The following GLI2 variants were observed in gnomAD, a reference collection of about 807,000 sequenced individuals.
GLI2 encodes the protein GLI family zinc finger 2, also known as transcription activator GLI2.
In GLI2, 22 loss-of-function variants were observed where a neutral mutation model predicts 78.9. The observed-to-expected ratio is 0.28, with a 90% CI of 0.20 to 0.40. GLI2 has a LOEUF of 0.40. Among genes scored for constraint, GLI2 ranks in the 10% least tolerant of loss-of-function variants. GLI2 has a pLI of 1.00. For missense variants in GLI2, 2,097 were observed against 2,213.2 expected (o/e 0.95, Z 1.05); for synonymous variants, 974 against 963.7 (o/e 1.01, Z -0.20).
rs1396250759 is a variant in GLI2, at chr2:120,737,213, C to G, written c.-31+928C>G. Among the ~76,000 whole-genome samples, 1 of 151,938 alleles carries G rather than the reference C, an allele frequency of 6.6e-6. No individual in the cohort carries two copies. The highest frequency in any genetic ancestry group is 2.4e-5 in the African/African-American group (1 of 41,366). Reference sequence around the variant, plus strand: ...GCGGGGGCGGGGAGCTGGGAGGGAGCGTGTGCTTGCGTGTGTGAGTGTGAG... The same window carrying G: ...GCGGGGGCGGGGAGCTGGGAGGGAGGGTGTGCTTGCGTGTGTGAGTGTGAG... On this transcript the variant is annotated intron_variant, in intron 1 of 13. Transcript: ENST00000361492. This position sits in a 1 kb window ranked among gnomAD's most constrained non-coding sequence, Gnocchi z 4.3.
intron 5 of GLI2, among the ~76,000 whole-genome samples, chr2:120,957,884 T>A (rs1047978554): frequency 2.6e-5 from 4 of 152,258 alleles, no homozygotes; most frequent in Non-Finnish European, 5.9e-5. Flanking sequence ...GCTCCCAGCA[T>A]CTAGCGGCTT....
intron 12 of GLI2, 35 bp from the exon 13 acceptor site, chr2:120,986,241 CCT>C: frequency 1.3e-6 from 2 of 1,579,684 alleles, no homozygotes; most frequent in Non-Finnish European, 1.7e-6. Context: ...AATCTGATAC[CCT>C]CTGAGTCTGA....
intron 2 of GLI2, among the ~76,000 whole-genome samples, chr2:120,872,051 G>C: frequency 6.6e-6 from 1 of 152,186 alleles, no homozygotes; most frequent in East Asian, 1.9e-4. Context: ...GGCGGGTGAG[G>C]GGCCCTGGAA....
intron 3 of GLI2, among the ~76,000 whole-genome samples, chr2:120,935,530 G>GTGCC (rs1680157559): frequency 1.3e-5 from 2 of 152,176 alleles, no homozygotes; most frequent in African/African-American, 4.8e-5. Context: ...AGGAGCAGTA[G>GTGCC]CAGGAGTCTG....
intron 2 of GLI2, among the ~76,000 whole-genome samples, chr2:120,803,899 A>T (rs1053484606): frequency 2.0e-5 from 3 of 151,958 alleles, no homozygotes; most frequent in African/African-American, 7.3e-5. Flanking sequence ...TCAGGGGGGG[A>T]GACTACGGTT....
intron 2 of GLI2, among the ~76,000 whole-genome samples, chr2:120,871,734 G>A (rs1476669974): frequency 1.3e-5 from 2 of 152,136 alleles, no homozygotes; most frequent in South Asian, 2.1e-4. Context: ...TTCTCCCTGG[G>A]GTAGCAGCTA....
chr2:120,820,307 C>T (rs937569307), intron 2 of GLI2, among the ~76,000 whole-genome samples: 4 of 152,202 alleles, frequency 2.6e-5, no homozygotes, highest in Non-Finnish European at 4.4e-5. Context: ...TCTCAGCTGT[C>T]GCCCTCGTAT....
intron 1 of GLI2, among the ~76,000 whole-genome samples, chr2:120,746,801 GT>G (rs1682705616): frequency 6.6e-6 from 1 of 152,106 alleles, no homozygotes; most frequent in South Asian, 2.1e-4. Flanking sequence ...GCTAGTCTCT[GT>G]TTTTTAATAT....
At chr2:120,980,183 C>T (rs1410882418) in intron 10 of GLI2, among the ~76,000 whole-genome samples, 4 of 152,168 alleles carry the variant, frequency 2.6e-5, no homozygotes, top group East Asian at 1.9e-4. Flanking sequence ...ATTGGTGAGT[C>T]GTATGGCAGT....
intron 3 of GLI2, among the ~76,000 whole-genome samples, chr2:120,933,638 G>A (rs915408972): frequency 1.3e-5 from 2 of 152,206 alleles, no homozygotes; most frequent in African/African-American, 4.8e-5. Context: ...GTCATGGGGA[G>A]CAAGGCTGAG....
At chr2:120,784,881 T>C (rs138031091) in intron 1 of GLI2, among the ~76,000 whole-genome samples, 1 of 152,314 alleles carries the variant, frequency 6.6e-6, no homozygotes, top group African/African-American at 2.4e-5. Flanking sequence ...CTGTTTCCTC[T>C]GATGCCGGTC....
At chr2:120,944,708 T>C (rs770090168) in intron 3 of GLI2, among the ~76,000 whole-genome samples, 10 of 152,198 alleles carry the variant, frequency 6.6e-5, no homozygotes, top group Non-Finnish European at 1.5e-4. Context: ...GGCCTTCTAC[T>C]CCCACTCGGC....
chr2:120,952,063 A>C (rs2104953715), intron 4 of GLI2, among the ~76,000 whole-genome samples: 1 of 152,342 alleles, frequency 6.6e-6, no homozygotes, highest in African/African-American at 2.4e-5. Flanking sequence ...GCAGATCTAA[A>C]GTTTTACACT....
At chr2:120,851,935 C>A (rs1687425128) in intron 2 of GLI2, among the ~76,000 whole-genome samples, 1 of 152,146 alleles carries the variant, frequency 6.6e-6, no homozygotes. Flanking sequence ...TAGCGTGAGC[C>A]TTAGGAAGCA....
At chr2:120,969,792 C>T (rs1573700339) in intron 6 of GLI2, among the ~76,000 whole-genome samples, 1 of 152,206 alleles carries the variant, frequency 6.6e-6, no homozygotes, top group East Asian at 1.9e-4. Flanking sequence ...GTCCTCACAA[C>T]ATGGCAGACG....
chr2:120,854,034 A>C (rs1349141276), intron 2 of GLI2, among the ~76,000 whole-genome samples: 2 of 94,492 alleles, frequency 2.1e-5, no homozygotes, highest in Non-Finnish European at 4.0e-5. Context: ...TCAAACACCT[A>C]TTGTGTATCG....
chr2:120,768,743 C>G (rs1573359431), intron 1 of GLI2, among the ~76,000 whole-genome samples: 1 of 152,156 alleles, frequency 6.6e-6, no homozygotes, highest in Non-Finnish European at 1.5e-5. Flanking sequence ...TGTGGTCCTG[C>G]TCCCAGGATG....
intron 2 of GLI2, among the ~76,000 whole-genome samples, chr2:120,900,465 G>A (rs1678197853): frequency 6.6e-6 from 1 of 152,172 alleles, no homozygotes. Flanking sequence ...CTTCTGTTTT[G>A]CAAACTCAGA....
At chr2:120,973,450 G>T (rs1239142212) in intron 8 of GLI2, among the ~76,000 whole-genome samples, 1 of 152,230 alleles carries the variant, frequency 6.6e-6, no homozygotes, top group Non-Finnish European at 1.5e-5. Context: ...CTCTGCGCAC[G>T]TGTCAGTGCA....
Sources: gnomAD v4.1 joint callset for allele counts (sites outside exome capture counted in the v4.1 genomes callset) on GRCh38, gnomAD v4.1.1 for gene constraint, Gnocchi (gnomAD v3.1) non-coding constraint, MANE v1.5 for transcripts, NCBI Gene and HGNC (gene_info 2026-07-23, HGNC 2026-07-21) for gene names.